PCDHGA5: variants seen among roughly 807,000 people sequenced by gnomAD.
PCDHGA5 encodes protocadherin gamma subfamily A, 5, also known as protocadherin gamma-A5.
Under a neutral mutation model 56.7 loss-of-function variants are expected in PCDHGA5, and 36 were observed. That is an observed-to-expected ratio of 0.64 (90% confidence interval 0.49 to 0.84). PCDHGA5 has a LOEUF of 0.84. Ranked by LOEUF, PCDHGA5 falls within the 40% of genes least tolerant of loss-of-function variation. The pLI is 0.00. For synonymous variants in PCDHGA5, 563 were observed against 520.2 expected (o/e 1.08, Z -1.12); for missense variants, 1,305 against 1,201.5 (o/e 1.09, Z -1.27).
Position 141,476,348 on chromosome 5 carries a change from G to C in PCDHGA5, c.2422-18459G>C, listed in dbSNP as rs764669470. Reference sequence around the variant, plus strand: ...GTCTGGAGCTAGCCGAAGATTCTTTGAGGTGAACCGGGAGACCGGAGAGAT... The same window carrying C: ...GTCTGGAGCTAGCCGAAGATTCTTTCAGGTGAACCGGGAGACCGGAGAGAT... On this transcript the variant is annotated intron_variant, in intron 1 of 3. Transcript: ENST00000518069. The surrounding 1 kb of genome is among the most constrained non-coding windows in gnomAD (Gnocchi z 7.6). 2 of 1,614,190 alleles carry C rather than the reference G, an allele frequency of 1.2e-6. No individual in the cohort carries two copies. The highest frequency in any genetic ancestry group is 2.2e-5 in the South Asian group (2 of 91,078).
intron 1 of PCDHGA5, among the ~76,000 whole-genome samples, chr5:141,452,267 G>C (rs995249228): frequency 1.3e-5 from 2 of 151,882 alleles, no homozygotes; most frequent in Non-Finnish European, 2.9e-5. Context: ...TCATTTTCTT[G>C]AACCCTTTCT....
At chr5:141,508,576 C>A (rs1437398161) in intron 3 of PCDHGA5, among the ~76,000 whole-genome samples, 1 of 152,136 alleles carries the variant, frequency 6.6e-6, no homozygotes, top group African/African-American at 2.4e-5. Flanking sequence ...TGCACCCACT[C>A]GGGGTGCTAC....
Position 141,447,812 on chromosome 5 carries a change from G to A in PCDHGA5, c.2422-46995G>A, listed in dbSNP as rs557330895. 5.4e-4 allele frequency among the ~76,000 whole-genome samples: 82 copies of A among 152,254 alleles called. 1 individual carries two copies. The highest frequency in any genetic ancestry group is 1.3e-3 in the Admixed American group (20 of 15,294). On this transcript the variant is annotated intron_variant, in intron 1 of 3. Coordinates refer to ENST00000518069, the MANE Select transcript of PCDHGA5 (RefSeq NM_018918.3). ...TTTAAGAAAATAAAATTGGCTGGGC[G>A]TGGTGGCTCACGCCTGTAATCCCAG...
chr5:141,492,911 G>A (rs1008138353), intron 1 of PCDHGA5, among the ~76,000 whole-genome samples: 1 of 152,216 alleles, frequency 6.6e-6, no homozygotes, highest in Admixed American at 6.5e-5. Context: ...TGATCACAAT[G>A]TGCCCAGCGA....
chr5:141,388,555 G>A, intron 1 of PCDHGA5: 1 of 1,613,826 alleles, frequency 6.2e-7, no homozygotes, highest in Non-Finnish European at 8.5e-7. Context: ...CCCCTAAGCA[G>A]CACTGCACAG....
Position 141,365,030 on chromosome 5 carries a change from G to C in PCDHGA5, c.700G>C (p.Asp234His), listed in dbSNP as rs1227821908. The change falls in exon 1 of 4, where the codon GAC (aspartate) becomes CAC (histidine). Residue 234 changes from aspartate (D) to histidine (H), a missense_variant. Physicochemically the swap from Asp to His is moderately conservative, Grantham distance 81. Transcript: ENST00000518069. ...CACGCACATCCGTGTTACGGTCCTC[G>C]ACGCAAACGACAATGCGCCCCTGTT... is the stretch of plus-strand genomic sequence containing the variant. The part of the protein sequence containing the change: ...GTTHIRVTVL[D>H]ANDNAPLFTP... 1.9e-6 allele frequency: 3 copies of C among 1,613,740 alleles called. No homozygotes were observed. Among genetic ancestry groups the C allele is most frequent in the Non-Finnish European group, 2.5e-6 (3 of 1,179,908 alleles).
Position 141,364,807 on chromosome 5 carries a change from T to A in PCDHGA5, c.477T>A (p.Asp159Glu). ...GTRLVLPFARDADVGVNSLRS... is the reference protein window; with the variant it reads ...GTRLVLPFAREADVGVNSLRS... ...GGTTAGTGCTTCCCTTCGCGCGGGATGCGGATGTGGGTGTGAACTCTCTCC... is the reference window on the plus strand; with the variant it reads ...GGTTAGTGCTTCCCTTCGCGCGGGAAGCGGATGTGGGTGTGAACTCTCTCC... Residue 159 changes from aspartate (D) to glutamate (E), a missense_variant, in exon 1 of 4, where the codon GAT (aspartate) becomes GAA (glutamate). By Grantham distance (45) the Asp-to-Glu change is conservative. Coordinates refer to ENST00000518069, the MANE Select transcript of PCDHGA5 (RefSeq NM_018918.3). 1 of 1,614,018 alleles carries A rather than the reference T, an allele frequency of 6.2e-7. No homozygotes were observed. Among genetic ancestry groups the A allele is most frequent in the Non-Finnish European group, 8.5e-7 (1 of 1,179,894 alleles).
intron 1 of PCDHGA5, chr5:141,414,330 G>T: frequency 6.2e-7 from 1 of 1,613,714 alleles, no homozygotes; most frequent in Non-Finnish European, 8.5e-7. Flanking sequence ...AGAATGGACA[G>T]GTAACCTGTT....
chr5:141,375,213 G>T (rs778646849), intron 1 of PCDHGA5: 1 of 1,613,926 alleles, frequency 6.2e-7, no homozygotes, highest in Admixed American at 1.7e-5. Context: ...CGAGACTCTG[G>T]CCTGAATGGC....
intron 1 of PCDHGA5, chr5:141,421,871 CT>C: frequency 6.2e-7 from 1 of 1,613,756 alleles, no homozygotes; most frequent in Non-Finnish European, 8.5e-7. Flanking sequence ...CTCCTCACAG[CT>C]TTAGATGGAG....
chr5:141,466,992 A>ATTT (rs985433044), intron 1 of PCDHGA5, among the ~76,000 whole-genome samples: 1 of 148,706 alleles, frequency 6.7e-6, no homozygotes, highest in African/African-American at 2.5e-5. Flanking sequence ...ACCTTTTGGC[A>ATTT]TTTTTTTGCA....
chr5:141,394,748 C>G (rs960054108), intron 1 of PCDHGA5: 7 of 1,613,296 alleles, frequency 4.3e-6, no homozygotes, highest in Non-Finnish European at 5.9e-6. Flanking sequence ...TCGTGGTGGC[C>G]GTCCAGGACC....
intron 1 of PCDHGA5, chr5:141,484,911 T>G (rs2154580253): frequency 9.3e-6 from 4 of 432,018 alleles, no homozygotes; most frequent in South Asian, 3.3e-5. Context: ...CTGCGACGCA[T>G]TAACCCTGCT....
Position 141,491,895 on chromosome 5 carries a change from A to G in PCDHGA5, c.2422-2912A>G. On this transcript the variant is annotated intron_variant, in intron 1 of 3. Transcript: ENST00000518069. This position sits in a 1 kb window ranked among gnomAD's most constrained non-coding sequence, Gnocchi z 6.9. Reference sequence around the variant, plus strand: ...CCGATTAAGGGATGGGGCTCCGAGCACCGGGGGTGGTGGCGACTGTGGGCG... The same window carrying G: ...CCGATTAAGGGATGGGGCTCCGAGCGCCGGGGGTGGTGGCGACTGTGGGCG... 7.0e-7 allele frequency: 1 copy of G among 1,434,306 alleles called. No homozygotes were observed. The highest frequency in any genetic ancestry group is 9.2e-7 in the Non-Finnish European group (1 of 1,084,904). 88.8% of individuals were successfully genotyped at this position (1,434,306 alleles called of 1,614,324 possible). A position where few individuals can be genotyped will look rare whatever the true frequency, so the allele number is the denominator to read the frequency against.
At chr5:141,438,631 TATATACACAC>T (rs1330021858) in intron 1 of PCDHGA5, among the ~76,000 whole-genome samples, 2,835 of 42,824 alleles carry the variant, frequency 0.066, 23 homozygotes, top group African/African-American at 0.13. Flanking sequence ...TATATATATA[TATATACACAC>T]ACACACACAC....
chr5:141,378,222 A>G (rs574464825), intron 1 of PCDHGA5: 1 of 152,350 alleles, frequency 6.6e-6, no homozygotes, highest in South Asian at 2.1e-4. Flanking sequence ...TGTGTGCCTG[A>G]TAGTATTTAA....
intron 1 of PCDHGA5, chr5:141,372,480 T>A (rs777083908): frequency 1.2e-5 from 19 of 1,613,928 alleles, no homozygotes; most frequent in Non-Finnish European, 1.6e-5. Flanking sequence ...AGTAGTGGCG[T>A]TGGCCTTGAT....
At position 141,364,886 on chromosome 5, in the gene PCDHGA5, A is replaced by G. The variant is rs1181797677; in HGVS notation, c.556A>G (p.Thr186Ala). 2 of 1,614,024 alleles carry G rather than the reference A, an allele frequency of 1.2e-6. No individual in the cohort carries two copies. ...LHFSLDVVSG[T>A]DGQKYPELVL... ...CTTCTCTCTGGATGTGGTAAGCGGAACTGATGGACAAAAGTATCCGGAGCT... is the reference window on the plus strand; with the variant it reads ...CTTCTCTCTGGATGTGGTAAGCGGAGCTGATGGACAAAAGTATCCGGAGCT... Residue 186 changes from threonine (T) to alanine (A), a missense_variant, in exon 1 of 4, where the codon ACT (threonine) becomes GCT (alanine). Transcript: ENST00000518069.
At chr5:141,419,889 A>T in intron 1 of PCDHGA5, 1 of 1,614,084 alleles carries the variant, frequency 6.2e-7, no homozygotes, top group Middle Eastern at 1.6e-4. Flanking sequence ...GATTTCAGCG[A>T]CCATCCCACA....
Sources: allele counts gnomAD v4.1 joint callset (sites outside exome capture counted in the v4.1 genomes callset), GRCh38; gene constraint gnomAD v4.1.1; non-coding constraint Gnocchi (gnomAD v3.1); transcripts MANE v1.5; gene names NCBI Gene and HGNC (gene_info 2026-07-23, HGNC 2026-07-21).